PRKG1: variants seen among roughly 807,000 people sequenced by gnomAD.
PRKG1 encodes the protein protein kinase cGMP-dependent 1.
In PRKG1, 35 loss-of-function variants were observed where a neutral mutation model predicts 88.1. The observed-to-expected ratio is 0.40, with a 90% confidence interval of 0.30 to 0.53. The LOEUF (loss-of-function observed/expected upper bound fraction) is 0.53, where lower values mean the gene tolerates loss of function less well. Ranked by LOEUF, PRKG1 falls within the 20% of genes least tolerant of loss-of-function variation. The pLI is 0.59. For missense variants in PRKG1, 540 were observed against 839.8 expected (o/e 0.64, Z 4.41); for synonymous variants, 303 against 292.5 (o/e 1.04, Z -0.37).
chr10:52,215,543 T>C lies in PRKG1; in HGVS notation c.1077-36027T>C, dbSNP rs552946659. On this transcript the variant is annotated intron_variant, in intron 9 of 17. Coordinates refer to ENST00000373980, the MANE Select transcript of PRKG1 (RefSeq NM_006258.4). ...CATCTCAGGTCAGTGTACTTTTCAA[T>C]ATCACCTCAATATTTTCTCTTTTCC... 2.0e-5 allele frequency among the ~76,000 whole-genome samples: 3 copies of C among 152,314 alleles called. No individual in the cohort carries two copies. The East Asian group carries it at 5.8e-4, about 29-fold the overall frequency.
intron 4 of PRKG1, among the ~76,000 whole-genome samples, chr10:51,881,121 G>A (rs1045503970): frequency 1.3e-5 from 2 of 151,908 alleles, no homozygotes; most frequent in Non-Finnish European, 2.9e-5. Context: ...CTGTGCCCCA[G>A]GTTATATTTG....
chr10:51,484,351 C>T (rs1374428439), intron 3 of PRKG1, among the ~76,000 whole-genome samples: 1 of 152,146 alleles, frequency 6.6e-6, no homozygotes, highest in Admixed American at 6.6e-5. Context: ...AGAAATCCCA[C>T]ATTTATTTAC....
chr10:51,127,000 A>G (rs572711157), intron 1 of PRKG1, among the ~76,000 whole-genome samples: 5 of 152,298 alleles, frequency 3.3e-5, no homozygotes, highest in African/African-American at 9.6e-5. Flanking sequence ...ACCAAAAACC[A>G]TATGCACCCT....
intron 2 of PRKG1, among the ~76,000 whole-genome samples, chr10:51,318,331 T>C (rs1248012351): frequency 6.6e-6 from 1 of 152,212 alleles, no homozygotes; most frequent in Non-Finnish European, 1.5e-5. Flanking sequence ...AAAATGAGGA[T>C]GATAAATGTG....
intron 5 of PRKG1, among the ~76,000 whole-genome samples, chr10:51,973,202 A>C (rs568737172): frequency 6.6e-6 from 1 of 152,228 alleles, no homozygotes; most frequent in East Asian, 1.9e-4. Flanking sequence ...GGAGCTGAAA[A>C]ACACTGTTGC....
rs116622160 is a variant in PRKG1, at chr10:51,629,307, C to A, written c.592+161471C>A. On this transcript the variant is annotated intron_variant, in intron 3 of 17. Coordinates refer to ENST00000373980, the MANE Select transcript of PRKG1 (RefSeq NM_006258.4). Reference sequence around the variant, plus strand: ...TTTCCATGGACTGAGGTGGGGGATGCTTTGAGGATGATTCAAGGGCATTAC... The same window carrying A: ...TTTCCATGGACTGAGGTGGGGGATGATTTGAGGATGATTCAAGGGCATTAC... 6.2e-3 allele frequency among the ~76,000 whole-genome samples: 946 copies of A among 152,064 alleles called. 12 individuals carry two copies. Among genetic ancestry groups the A allele is most frequent in the African/African-American group, 0.022 (909 of 41,454 alleles).
At chr10:51,932,066 G>A (rs1321946044) in intron 5 of PRKG1, among the ~76,000 whole-genome samples, 2 of 152,074 alleles carry the variant, frequency 1.3e-5, no homozygotes, top group African/African-American at 4.8e-5. Context: ...TCCTCATTAG[G>A]TAGGATAATT....
intron 2 of PRKG1, among the ~76,000 whole-genome samples, chr10:51,300,436 G>T (rs924234808): frequency 6.6e-6 from 1 of 152,136 alleles, no homozygotes; most frequent in African/African-American, 2.4e-5. Flanking sequence ...TGTATTTAAT[G>T]ATTTTTTCTC....
At chr10:51,532,756 T>C (rs2148309) in intron 3 of PRKG1, among the ~76,000 whole-genome samples, 113,033 of 152,046 alleles carry the variant, frequency 0.74, 42,634 homozygotes, top group East Asian at 0.98. Context: ...TCCCTGGCCA[T>C]TCCTGTTTGA....
chr10:52,267,441 G>A (rs894030639), intron 10 of PRKG1, among the ~76,000 whole-genome samples: 16 of 151,958 alleles, frequency 1.1e-4, no homozygotes, highest in Non-Finnish European at 1.6e-4. Flanking sequence ...AAAGAGACTT[G>A]CAAGTTTTTT....
At chr10:51,652,395 G>A (rs1840060280) in intron 3 of PRKG1, among the ~76,000 whole-genome samples, 1 of 151,590 alleles carries the variant, frequency 6.6e-6, no homozygotes, top group Admixed American at 6.6e-5. Context: ...GAAATTCAAA[G>A]GTAGGGTTAA....
chr10:52,245,189 C>T (rs1840993050), intron 9 of PRKG1, among the ~76,000 whole-genome samples: 1 of 151,716 alleles, frequency 6.6e-6, no homozygotes, highest in South Asian at 2.1e-4. Context: ...GGGCTTAAGG[C>T]TCACTTTCTC....
intron 3 of PRKG1, among the ~76,000 whole-genome samples, chr10:51,573,946 A>G (rs1327379680): frequency 6.6e-6 from 1 of 151,912 alleles, no homozygotes; most frequent in East Asian, 1.9e-4. Flanking sequence ...TTGAATAGAA[A>G]TAGACAAGAA....
intron 2 of PRKG1, among the ~76,000 whole-genome samples, chr10:51,454,384 TA>T (rs925517820): frequency 7.2e-4 from 107 of 149,150 alleles, no homozygotes; most frequent in Non-Finnish European, 1.1e-3. Context: ...ATGGTACTGG[TA>T]AAAAAAAATA....
upstream of PRKG1, among the ~76,000 whole-genome samples, chr10:51,069,689 A>G (rs988010876): frequency 1.3e-5 from 2 of 152,132 alleles, no homozygotes; most frequent in Non-Finnish European, 2.9e-5. Context: ...AGGTATTATC[A>G]TTACAGATCT....
intron 2 of PRKG1, among the ~76,000 whole-genome samples, chr10:51,183,032 A>C (rs979192123): frequency 2.0e-5 from 3 of 152,220 alleles, no homozygotes; most frequent in Non-Finnish European, 4.4e-5. Context: ...CTATGTTATA[A>C]GACAAAATCT....
intron 4 of PRKG1, among the ~76,000 whole-genome samples, chr10:51,851,602 T>G (rs1564675120): frequency 6.6e-6 from 1 of 152,228 alleles, no homozygotes; most frequent in Non-Finnish European, 1.5e-5. Flanking sequence ...ATGTATTACC[T>G]ATTCCAAAAT....
At chr10:51,793,345 T>C (rs1412311203) in intron 3 of PRKG1, among the ~76,000 whole-genome samples, 1 of 151,836 alleles carries the variant, frequency 6.6e-6, no homozygotes, top group Non-Finnish European at 1.5e-5. Flanking sequence ...ATTAAAAATA[T>C]ATATAGTCAA....
chr10:52,222,854 C>G (rs2132336384), intron 9 of PRKG1, among the ~76,000 whole-genome samples: 1 of 152,248 alleles, frequency 6.6e-6, no homozygotes, highest in Middle Eastern at 3.4e-3. Context: ...GATGTTATCC[C>G]AACTTTGCCT....
Sources: gnomAD v4.1 joint callset for allele counts (sites outside exome capture counted in the v4.1 genomes callset) on GRCh38, gnomAD v4.1.1 for gene constraint, MANE v1.5 for transcripts, NCBI Gene and HGNC (gene_info 2026-07-23, HGNC 2026-07-21) for gene names.